The following PHKA1 variants were observed in gnomAD, a reference collection of about 807,000 sequenced individuals.
The protein encoded by PHKA1 is phosphorylase b kinase regulatory subunit alpha, skeletal muscle isoform.
In PHKA1, 60 loss-of-function variants were observed where a neutral mutation model predicts 110.2. The ratio of observed to expected loss-of-function variants is 0.54; its 90% confidence interval spans 0.44 to 0.68. The LOEUF (loss-of-function observed/expected upper bound fraction) is 0.68, where lower values mean the gene tolerates loss of function less well. PHKA1 is among the 30% of genes least tolerant of loss of function. The pLI is 0.00. For missense variants in PHKA1, 801 were observed against 942.5 expected, an observed-to-expected ratio of 0.85 and a Z score of 1.97; for synonymous variants, 316 against 333.6, an observed-to-expected ratio of 0.95 and a Z score of 0.58.
chrX:72,643,017 T>C (rs1443621394), intron 14 of PHKA1, among the ~76,000 whole-genome samples: 1 of 108,540 alleles, frequency 9.2e-6, no homozygotes, highest in African/African-American at 3.4e-5. Context: ...ATGCAAGGAG[T>C]TCAAGCCTTG....
chrX:72,706,982 C>G (rs782060115), intron 2 of PHKA1, among the ~76,000 whole-genome samples: 46 of 111,226 alleles, frequency 4.1e-4, no homozygotes, highest in Non-Finnish European at 7.9e-4. Context: ...CTCTGTGTTC[C>G]CCAAACTAAC....
At chrX:72,676,874 CT>C (rs1444193272) in intron 5 of PHKA1, among the ~76,000 whole-genome samples, 2 of 112,598 alleles carry the variant, frequency 1.8e-5, no homozygotes, top group African/African-American at 6.4e-5. Context: ...TTAGCTTCCC[CT>C]GATGTTAACG....
intron 14 of PHKA1, among the ~76,000 whole-genome samples, chrX:72,638,710 T>C (rs1556293321): frequency 9.0e-6 from 1 of 111,664 alleles, no homozygotes; most frequent in African/African-American, 3.3e-5. Flanking sequence ...TCCTTACTCC[T>C]AAGGTGTAGT....
intron 2 of PHKA1, among the ~76,000 whole-genome samples, chrX:72,706,520 A>G (rs1344929337): frequency 1.8e-5 from 2 of 111,731 alleles, no homozygotes; most frequent in African/African-American, 6.5e-5. Flanking sequence ...ATGTCACCAC[A>G]TACTCAAAGG....
intron 28 of PHKA1, among the ~76,000 whole-genome samples, chrX:72,594,503 C>T (rs191380757): frequency 2.7e-5 from 3 of 112,183 alleles, no homozygotes; most frequent in African/African-American, 6.5e-5. Flanking sequence ...CAGCCATATG[C>T]GGACAAATTA....
At chrX:72,710,042 C>CAAAAAAA (rs374071163) in intron 2 of PHKA1, among the ~76,000 whole-genome samples, 2 of 19,254 alleles carry the variant, frequency 1.0e-4, no homozygotes, top group Non-Finnish European at 1.9e-4. Flanking sequence ...ACTTAGTCTT[C>CAAAAAAA]AAAAAAAAAA....
chrX:72,613,540 T>C (rs1215326113), intron 21 of PHKA1, among the ~76,000 whole-genome samples: 1 of 111,696 alleles, frequency 9.0e-6, no homozygotes, highest in Non-Finnish European at 1.9e-5. Flanking sequence ...ATCTATTCAA[T>C]ATATTAAATT....
chrX:72,584,167 A>G, intron 30 of PHKA1, 82 bp downstream of exon 30: 1 of 790,373 alleles, frequency 1.3e-6, no homozygotes, highest in Non-Finnish European at 1.9e-6. Flanking sequence ...TGGATCTGTC[A>G]CTTTGAAAAG....
chrX:72,661,478 A>T (rs1556304011), intron 8 of PHKA1, among the ~76,000 whole-genome samples: 1 of 111,039 alleles, frequency 9.0e-6, no homozygotes, highest in African/African-American at 3.3e-5. Context: ...CCACCTCTTC[A>T]TATTTTCAAG....
intron 22 of PHKA1, 26 bp downstream of exon 22, chrX:72,611,002 G>A: frequency 8.7e-7 from 1 of 1,145,429 alleles, no homozygotes; most frequent in Non-Finnish European, 1.2e-6. Flanking sequence ...ATTTAGATTT[G>A]GTATAAATTC....
At chrX:72,598,340 TA>T (rs1276611264) in intron 28 of PHKA1, among the ~76,000 whole-genome samples, 1 of 110,984 alleles carries the variant, frequency 9.0e-6, no homozygotes, top group Non-Finnish European at 1.9e-5. Context: ...ATGGCTATAA[TA>T]AAAAAGACAA....
At position 72,605,336 on chromosome X, in the gene PHKA1, C is replaced by A. The variant is rs782646796; in HGVS notation, c.2750G>T (p.Arg917Leu). Residue 917 changes from arginine to leucine, a missense_variant, in exon 25 of 32, where the codon CGA becomes CTA. This residue lies in a region of PHKA1 where 502 missense variants were observed against 519.2 expected (regional missense o/e 0.97). Transcript: ENST00000373542. Reference sequence around the variant, plus strand: ...TTGTATGATCAGACCAATTCGAAGTCGAAACATTTCAGCAAAGAGGCCAGG... The same window carrying A: ...TTGTATGATCAGACCAATTCGAAGTAGAAACATTTCAGCAAAGAGGCCAGG... The part of the protein sequence containing the change: ...TQPGLFAEMF[R>L]LRIGLIIQVM... 35 of 1,203,594 alleles carry A rather than the reference C, an allele frequency of 2.9e-5. No homozygotes were observed. Among genetic ancestry groups the A allele is most frequent in the Non-Finnish European group, 3.7e-5 (33 of 889,541 alleles).
At chrX:72,597,632 C>T (rs1032935931) in intron 28 of PHKA1, among the ~76,000 whole-genome samples, 1 of 112,021 alleles carries the variant, frequency 8.9e-6, no homozygotes, top group Non-Finnish European at 1.9e-5. Flanking sequence ...AATGGGGTAT[C>T]CATTATCTCA....
chrX:72,605,884 C>T (rs1319582391), intron 23 of PHKA1, among the ~76,000 whole-genome samples: 1 of 112,293 alleles, frequency 8.9e-6, no homozygotes, highest in Non-Finnish European at 1.9e-5. Flanking sequence ...AAACTCACAC[C>T]ATGATGTTCT....
intron 2 of PHKA1, among the ~76,000 whole-genome samples, chrX:72,707,477 T>C (rs1556332949): frequency 9.0e-6 from 1 of 110,919 alleles, no homozygotes; most frequent in Non-Finnish European, 1.9e-5. Flanking sequence ...TACTTGCTTA[T>C]ATATCTGTCT....
intron 14 of PHKA1, among the ~76,000 whole-genome samples, chrX:72,637,083 A>G (rs2053239165): frequency 8.9e-6 from 1 of 111,874 alleles, no homozygotes; most frequent in African/African-American, 3.2e-5. Flanking sequence ...ACCATTTACC[A>G]TTTTAATAAC....
chrX:72,710,042 CAAAAAAAAAAAAAA>C (rs374071163), intron 2 of PHKA1, among the ~76,000 whole-genome samples: 8 of 19,259 alleles, frequency 4.2e-4, no homozygotes, highest in South Asian at 4.1e-3. Context: ...ACTTAGTCTT[CAAAAAAAAAAAAAA>C]AAAAAAAAAG....
chrX:72,580,905 T>A lies in PHKA1; in HGVS notation c.*97A>T. The A allele has an allele frequency of 1.3e-6, 1 of 773,190 alleles. No homozygotes were observed. Among genetic ancestry groups the A allele is most frequent in the East Asian group, 3.4e-5 (1 of 29,055 alleles). 63.7% of individuals were successfully genotyped at this position (773,190 alleles called of 1,213,427 possible). A position where few individuals can be genotyped will look rare whatever the true frequency, so the allele number is the denominator to read the frequency against. ...AAGGATGGGACAGAAAGGGGCAGGG[T>A]TGGAGTGATTAGGCAATAACATTTT... On this transcript the variant is annotated 3_prime_UTR_variant, in exon 32 of 32. Transcript: ENST00000373542.
chrX:72,612,124 C>A (rs1603255429), intron 21 of PHKA1, among the ~76,000 whole-genome samples: 1 of 112,080 alleles, frequency 8.9e-6, no homozygotes, highest in African/African-American at 3.2e-5. Flanking sequence ...TATATTTATA[C>A]AGGATATAAT....
Sources: gnomAD v4.1 joint callset for allele counts (sites outside exome capture counted in the v4.1 genomes callset) on GRCh38, gnomAD v4.1.1 for gene constraint, gnomAD v4.1.1 regional missense constraint, MANE v1.5 for transcripts, NCBI Gene and HGNC (gene_info 2026-07-23, HGNC 2026-07-21) for gene names.